Variants in CFAP20DC observed in about 807,000 individuals in gnomAD.
CFAP20DC encodes CFAP20 domain containing.
In CFAP20DC, 84 loss-of-function variants were observed where a neutral mutation model predicts 101.7. The ratio of observed to expected loss-of-function variants is 0.83; its 90% CI spans 0.69 to 0.99. The LOEUF is 0.99. CFAP20DC is among the 50% of genes least tolerant of loss of function. The pLI, the probability that CFAP20DC is intolerant of heterozygous loss-of-function variation, is 0.00. For synonymous variants in CFAP20DC, 359 were observed against 351.2 expected (o/e 1.02, Z -0.25); for missense variants, 1,007 against 970.3 (o/e 1.04, Z -0.50).
chr3:58,758,532 CTTAT>C (rs61227170), intron 15 of CFAP20DC, among the ~76,000 whole-genome samples: 24 of 151,732 alleles, frequency 1.6e-4, no homozygotes, highest in African/African-American at 4.3e-4. Context: ...GACTATAATC[CTTAT>C]TTATTTATTT....
At chr3:58,756,910 A>C (rs2069000314) in intron 15 of CFAP20DC, among the ~76,000 whole-genome samples, 1 of 152,048 alleles carries the variant, frequency 6.6e-6, no homozygotes, top group African/African-American at 2.4e-5. Context: ...CTTTTTTTAC[A>C]GCAGCATAAT....
chr3:58,757,387 CAT>C (rs1218958810), intron 15 of CFAP20DC, among the ~76,000 whole-genome samples: 2 of 151,982 alleles, frequency 1.3e-5, no homozygotes, highest in Non-Finnish European at 2.9e-5. Context: ...CACACACACA[CAT>C]ATATATATGC....
At chr3:58,946,799 A>C (rs1271572647) in intron 4 of CFAP20DC, among the ~76,000 whole-genome samples, 2 of 152,224 alleles carry the variant, frequency 1.3e-5, no homozygotes, top group Non-Finnish European at 2.9e-5. Context: ...AGACCTCAGC[A>C]GGGGAGAAAT....
Position 58,935,503 on chromosome 3 carries a change from G to A in CFAP20DC, c.393+2145C>T, listed in dbSNP as rs551994555. 2.4e-3 allele frequency among the ~76,000 whole-genome samples: 360 copies of A among 149,734 alleles called. 11 individuals are homozygous for A. The highest frequency in any genetic ancestry group is 8.8e-3 in the African/African-American group (346 of 39,152). On this transcript the variant is annotated intron_variant, in intron 5 of 16. Transcript: ENST00000482387. Reference sequence around the variant, plus strand: ...CCAAAAGAACAAAGCTGGAGGTATCGCGCTACCTGACTTCAAACTATACTA... The same window carrying A: ...CCAAAAGAACAAAGCTGGAGGTATCACGCTACCTGACTTCAAACTATACTA...
intron 6 of CFAP20DC, among the ~76,000 whole-genome samples, chr3:58,901,638 A>AT (rs1321322048): frequency 3.3e-5 from 5 of 152,188 alleles, no homozygotes; most frequent in South Asian, 2.1e-4. Flanking sequence ...TTACTAAGTG[A>AT]TTTTTTTAAT....
At chr3:58,767,798 C>T (rs1019905590) in intron 15 of CFAP20DC, among the ~76,000 whole-genome samples, 1 of 152,166 alleles carries the variant, frequency 6.6e-6, no homozygotes, top group African/African-American at 2.4e-5. Context: ...AGAATAACCC[C>T]CATTGATGTT....
chr3:58,871,334 G>A (rs1016907788), intron 7 of CFAP20DC, among the ~76,000 whole-genome samples: 3 of 152,084 alleles, frequency 2.0e-5, no homozygotes, highest in Non-Finnish European at 2.9e-5. Flanking sequence ...AAAATGTGAA[G>A]AGCCTATTCT....
At chr3:59,020,333 T>C (rs972424977) in intron 4 of CFAP20DC, among the ~76,000 whole-genome samples, 1 of 152,028 alleles carries the variant, frequency 6.6e-6, no homozygotes, top group Non-Finnish European at 1.5e-5. Context: ...AGTATGAGTA[T>C]ATCTTATAGA....
chr3:58,928,822 A>G (rs565360613), intron 5 of CFAP20DC, among the ~76,000 whole-genome samples: 1 of 152,300 alleles, frequency 6.6e-6, no homozygotes, highest in South Asian at 2.1e-4. Context: ...AAAATTTAGC[A>G]TAACATGAGC....
chr3:59,030,426 A>G (rs1166131484), intron 4 of CFAP20DC, among the ~76,000 whole-genome samples: 1 of 152,232 alleles, frequency 6.6e-6, no homozygotes, highest in African/African-American at 2.4e-5. Context: ...ATAGAGAGTT[A>G]GCATATTTTC....
At chr3:58,995,289 A>G (rs764100716) in intron 4 of CFAP20DC, among the ~76,000 whole-genome samples, 2 of 152,124 alleles carry the variant, frequency 1.3e-5, no homozygotes, top group African/African-American at 4.8e-5. Context: ...CTCTCCTGCA[A>G]CTGAAAAATT....
Position 58,866,561 on chromosome 3 carries a change from C to A in CFAP20DC, c.1258+5G>T, listed in dbSNP as rs545602015. 6.3e-7 allele frequency: 1 copy of A among 1,598,904 alleles called. No individual in the cohort carries two copies. The highest frequency in any genetic ancestry group is 8.5e-7 in the Non-Finnish European group (1 of 1,174,694). On this transcript the variant is annotated splice_donor_5th_base_variant and intron_variant, in intron 11 of 16. Transcript: ENST00000482387. ...TAACAGATATGGTGTAATAAAGATG[C>A]CAACCTGATTGATCAGGAGACTGGG...
chr3:58,950,606 G>A (rs553021653), intron 4 of CFAP20DC, among the ~76,000 whole-genome samples: 29 of 152,090 alleles, frequency 1.9e-4, no homozygotes, highest in African/African-American at 5.3e-4. Flanking sequence ...AAATAACACC[G>A]CATATCTACA....
intron 15 of CFAP20DC, among the ~76,000 whole-genome samples, chr3:58,801,549 C>A (rs1371688227): frequency 1.3e-5 from 2 of 151,982 alleles, no homozygotes; most frequent in Non-Finnish European, 2.9e-5. Flanking sequence ...CATTTTCTCT[C>A]TTTTGTGATG....
At chr3:58,974,391 G>A (rs1461786117) in intron 4 of CFAP20DC, among the ~76,000 whole-genome samples, 1 of 152,118 alleles carries the variant, frequency 6.6e-6, no homozygotes, top group Admixed American at 6.6e-5. Flanking sequence ...AATTCACTTA[G>A]GAAAATGGAC....
chr3:58,842,446 G>A (rs1002126031), intron 13 of CFAP20DC, among the ~76,000 whole-genome samples: 1 of 152,068 alleles, frequency 6.6e-6, no homozygotes, highest in East Asian at 1.9e-4. Flanking sequence ...CGAATATTGC[G>A]CTTTTCAGAC....
At chr3:58,942,609 C>T (rs1391138241) in intron 4 of CFAP20DC, among the ~76,000 whole-genome samples, 1 of 152,226 alleles carries the variant, frequency 6.6e-6, no homozygotes. Flanking sequence ...GGTGCCTACA[C>T]CACCAGGGCC....
intron 4 of CFAP20DC, among the ~76,000 whole-genome samples, chr3:58,998,316 C>G (rs1576646981): frequency 6.6e-6 from 1 of 152,288 alleles, no homozygotes; most frequent in Admixed American, 6.5e-5. Flanking sequence ...TCCTTGCAAA[C>G]TGTATATGAC....
At chr3:58,802,724 T>C (rs1235480949) in intron 15 of CFAP20DC, among the ~76,000 whole-genome samples, 1 of 152,206 alleles carries the variant, frequency 6.6e-6, no homozygotes, top group Non-Finnish European at 1.5e-5. Context: ...TGAGTGAAAG[T>C]GAATGACTTT....
Sources: allele counts gnomAD v4.1 joint callset (sites outside exome capture counted in the v4.1 genomes callset), GRCh38; gene constraint gnomAD v4.1.1; transcripts MANE v1.5; gene names NCBI Gene and HGNC (gene_info 2026-07-23, HGNC 2026-07-21).